The following CHL1 variants were observed in gnomAD, a reference collection of about 807,000 sequenced individuals.
CHL1 encodes the protein cell adhesion molecule L1 like.
CHL1 carries 96 observed loss-of-function variants against 141.9 expected under a neutral mutation model. The ratio of observed to expected loss-of-function variants is 0.68; its 90% confidence interval spans 0.57 to 0.80. The LOEUF (loss-of-function observed/expected upper bound fraction) is 0.80. Ranked by LOEUF, CHL1 falls within the 30% of genes least tolerant of loss-of-function variation. The pLI is 0.00. For synonymous variants in CHL1, 613 were observed against 502.2 expected (o/e 1.22, Z -2.95); for missense variants, 1,820 against 1,457.2 (o/e 1.25, Z -4.05).
chr3:302,556 G>C (rs191136757), intron 2 of CHL1, among the ~76,000 whole-genome samples: 24 of 152,304 alleles, frequency 1.6e-4, no homozygotes, highest in African/African-American at 5.8e-4. Context: ...TTTGAGAAAT[G>C]TCTGTTCATA....
At chr3:322,534 G>C (rs1049480895) in intron 3 of CHL1, among the ~76,000 whole-genome samples, 2 of 150,294 alleles carry the variant, frequency 1.3e-5, no homozygotes, top group African/African-American at 4.9e-5. Context: ...AGGGCTGGGC[G>C]TGGTGTCTCA....
intron 2 of CHL1, among the ~76,000 whole-genome samples, chr3:314,329 G>GTATGTGTATA (rs1699996403): frequency 1.5e-5 from 1 of 65,344 alleles, no homozygotes; most frequent in Non-Finnish European, 3.0e-5. Flanking sequence ...CTCTCTATGT[G>GTATGTGTATA]TATATATATA....
chr3:252,357 T>G (rs1337425120), intron 2 of CHL1, among the ~76,000 whole-genome samples: 11 of 107,018 alleles, frequency 1.0e-4, no homozygotes, highest in Non-Finnish European at 2.0e-4. Flanking sequence ...TAAGAAAGCA[T>G]CCAGATATAT....
intron 11 of CHL1, among the ~76,000 whole-genome samples, chr3:354,973 A>G (rs1359457018): frequency 6.6e-6 from 1 of 152,240 alleles, no homozygotes; most frequent in East Asian, 1.9e-4. Flanking sequence ...TAATATTTAT[A>G]CTGCCTGTGC....
rs546096239 is a variant in CHL1, at chr3:330,409, T to C, written c.385+2055T>C. 2.1e-3 allele frequency among the ~76,000 whole-genome samples: 314 copies of C among 152,216 alleles called. 2 individuals are homozygous for C. Among genetic ancestry groups the C allele is most frequent in the Middle Eastern group, 0.01 (3 of 290 alleles). On this transcript the variant is annotated intron_variant, in intron 5 of 27. Transcript: ENST00000256509. ...AAGGATGAAAATTAATGATCTTAGC[T>C]TATTAGGTAACATAATTTTAGGATA...
At chr3:227,927 C>A (rs1701507594) in intron 1 of CHL1, among the ~76,000 whole-genome samples, 1 of 152,220 alleles carries the variant, frequency 6.6e-6, no homozygotes, top group East Asian at 1.9e-4. Context: ...TCGTCTTTTT[C>A]CTTGTGCTTC....
At chr3:389,522 T>G in intron 20 of CHL1, 48 bp downstream of exon 20, 1 of 1,396,912 alleles carries the variant, frequency 7.2e-7, no homozygotes, top group Non-Finnish European at 1.0e-6. Context: ...ACTGTTGCTT[T>G]CAAATATATT....
intron 1 of CHL1, among the ~76,000 whole-genome samples, chr3:205,104 C>CTTTTT (rs11424648): frequency 1.0e-4 from 13 of 129,078 alleles, no homozygotes; most frequent in Admixed American, 1.7e-4. Flanking sequence ...TTCTTTCTTT[C>CTTTTT]TTTTTTTTTT....
chr3:249,609 C>CT (rs1693493909), intron 2 of CHL1, among the ~76,000 whole-genome samples: 2 of 152,148 alleles, frequency 1.3e-5, no homozygotes, highest in Admixed American at 1.3e-4. Flanking sequence ...TAGGCAGTGC[C>CT]TTTTGCTGCA....
chr3:400,088 T>C (rs1159955049), intron 26 of CHL1, among the ~76,000 whole-genome samples: 1 of 152,250 alleles, frequency 6.6e-6, no homozygotes, highest in East Asian at 1.9e-4. Flanking sequence ...CTAGTATTGC[T>C]TAGTATTCAT....
At chr3:252,937 T>G (rs779988599) in intron 2 of CHL1, among the ~76,000 whole-genome samples, 48 of 152,084 alleles carry the variant, frequency 3.2e-4, no homozygotes, top group Non-Finnish European at 5.7e-4. Flanking sequence ...ATAATTATAG[T>G]TACTGTAATG....
chr3:323,570 C>T (rs1020360213), intron 3 of CHL1, among the ~76,000 whole-genome samples: 3 of 152,092 alleles, frequency 2.0e-5, no homozygotes, highest in Admixed American at 2.0e-4. Context: ...ACACTTGTAT[C>T]TACAATCATC....
At position 283,106 on chromosome 3, in the gene CHL1, G is replaced by A. The variant is rs190247696; in HGVS notation, c.-94-36577G>A. On this transcript the variant is annotated intron_variant, in intron 2 of 27. Coordinates refer to ENST00000256509, the MANE Select transcript of CHL1 (RefSeq NM_006614.4). ...GAATACATCTCTCACTTGACACAGG[G>A]ATCCTCATTTATGGGAAAGAAACAC... Among the ~76,000 whole-genome samples the A allele has an allele frequency of 2.9e-3, 444 of 152,218 alleles. 1 individual carries two copies. The highest frequency in any genetic ancestry group is 5.2e-3 in the Admixed American group (80 of 15,292).
intron 1 of CHL1, among the ~76,000 whole-genome samples, chr3:215,135 T>C (rs990441679): frequency 6.6e-6 from 1 of 152,122 alleles, no homozygotes; most frequent in African/African-American, 2.4e-5. Context: ...TGCAGCATTA[T>C]TTACAATAGC....
At chr3:340,718 A>T (rs1702282710) in intron 5 of CHL1, 76 bp from the exon 6 acceptor site, 4 of 1,223,646 alleles carry the variant, frequency 3.3e-6, no homozygotes, top group Admixed American at 2.4e-5. Context: ...TTGAAAAAAA[A>T]GAACATATTA....
At chr3:340,995 G>A in intron 6 of CHL1, 79 bp downstream of exon 6, 1 of 1,410,422 alleles carries the variant, frequency 7.1e-7, no homozygotes, top group Non-Finnish European at 9.7e-7. Context: ...TGAATCCAAA[G>A]ACAAAATAAA....
At chr3:356,915 A>C (rs1703771997) in intron 11 of CHL1, among the ~76,000 whole-genome samples, 2 of 152,162 alleles carry the variant, frequency 1.3e-5, no homozygotes, top group African/African-American at 4.8e-5. Context: ...ACACAATCTA[A>C]TTTACATTTT....
intron 1 of CHL1, among the ~76,000 whole-genome samples, chr3:234,613 G>C (rs549801723): frequency 6.6e-6 from 1 of 152,118 alleles, no homozygotes; most frequent in Non-Finnish European, 1.5e-5. Flanking sequence ...CCCCCATGCT[G>C]GTGAGGCACG....
chr3:213,044 T>A (rs1700027127), intron 1 of CHL1, among the ~76,000 whole-genome samples: 2 of 152,220 alleles, frequency 1.3e-5, no homozygotes, highest in Admixed American at 6.5e-5. Context: ...GTTACTATGA[T>A]GAAAGCAACT....
Sources: gnomAD v4.1 joint callset for allele counts (sites outside exome capture counted in the v4.1 genomes callset) on GRCh38, gnomAD v4.1.1 for gene constraint, MANE v1.5 for transcripts, NCBI Gene and HGNC (gene_info 2026-07-23, HGNC 2026-07-21) for gene names.